The following MAF variants were observed in gnomAD, a reference collection of about 807,000 sequenced individuals.
MAF encodes the protein MAF bZIP transcription factor.
MAF carries 10 observed loss-of-function variants against 22.0 expected under a neutral mutation model. The observed-to-expected ratio is 0.45, with a 90% confidence interval of 0.28 to 0.77. MAF has a LOEUF of 0.77. MAF is among the 30% of genes least tolerant of loss of function. MAF has a pLI of 0.12. For synonymous variants in MAF, 337 were observed against 255.8 expected (o/e 1.32, Z -3.03); for missense variants, 544 against 548.4 (o/e 0.99, Z 0.08).
chr16:79,279,687 A>G, the MAF span, among the ~76,000 whole-genome samples: 1 of 152,148 alleles, frequency 6.6e-6, no homozygotes, highest in Admixed American at 6.5e-5. Context: ...TCCTCTCCTA[A>G]TGGCATATGT....
chr16:79,413,329 G>A, the MAF span, among the ~76,000 whole-genome samples: 16 of 131,206 alleles, frequency 1.2e-4, no homozygotes, highest in African/African-American at 3.1e-4. Flanking sequence ...TGCAAGCTCC[G>A]CCTCCCGGGT....
the MAF span, among the ~76,000 whole-genome samples, chr16:79,537,962 T>G: frequency 6.6e-6 from 1 of 152,284 alleles, no homozygotes; most frequent in South Asian, 2.1e-4. Context: ...GAATCTCAAG[T>G]GGATAAAATA....
chr16:79,400,421 G>A, the MAF span, among the ~76,000 whole-genome samples: 3 of 152,230 alleles, frequency 2.0e-5, no homozygotes, highest in Non-Finnish European at 2.9e-5. Flanking sequence ...AACCCCACAA[G>A]GTCTTAGGAA....
chr16:79,354,247 C>A, the MAF span, among the ~76,000 whole-genome samples: 2 of 152,202 alleles, frequency 1.3e-5, no homozygotes, highest in South Asian at 4.2e-4. Flanking sequence ...CTGCCTTGGC[C>A]TCCCAAAGTG....
At chr16:79,220,941 T>C in the MAF span, among the ~76,000 whole-genome samples, 3 of 152,210 alleles carry the variant, frequency 2.0e-5, no homozygotes, top group Non-Finnish European at 2.9e-5. Flanking sequence ...TTCCTGGGTA[T>C]GCAACTCTCT....
the MAF span, chr16:79,212,402 C>CAT: frequency 2.3e-6 from 1 of 430,054 alleles, no homozygotes; most frequent in Admixed American, 3.9e-5. Context: ...AAGTACTTGT[C>CAT]ATAGACTCCT....
chr16:79,436,218 G>T, the MAF span, among the ~76,000 whole-genome samples: 1 of 152,080 alleles, frequency 6.6e-6, no homozygotes, highest in Non-Finnish European at 1.5e-5. Context: ...AACCAGCTGG[G>T]ACTACAGGTG....
chr16:79,447,905 A>AAAAAAAAAAAAAAAAAAAAAG, the MAF span, among the ~76,000 whole-genome samples: 130 of 85,796 alleles, frequency 1.5e-3, 1 homozygote, highest in East Asian at 3.7e-3. Flanking sequence ...AAAAAAAAAA[A>AAAAAAAAAAAAAAAAAAAAAG]AAAAGAAAAG....
the MAF span, among the ~76,000 whole-genome samples, chr16:79,220,609 CCAT>C: frequency 2.6e-5 from 4 of 152,112 alleles, no homozygotes; most frequent in Non-Finnish European, 5.9e-5. Context: ...TTTACCACCA[CCAT>C]GTTTCATTAA....
the MAF span, among the ~76,000 whole-genome samples, chr16:79,290,705 C>T: frequency 1.1e-3 from 166 of 152,138 alleles, 2 homozygotes; most frequent in African/African-American, 3.8e-3. Flanking sequence ...TCTGTCTGTT[C>T]CGTGCAACAG....
chr16:79,583,763 C>T (rs73587057), downstream of MAF, among the ~76,000 whole-genome samples: 1 of 152,158 alleles, frequency 6.6e-6, no homozygotes, highest in Non-Finnish European at 1.5e-5. Flanking sequence ...ACCTTTAGCG[C>T]GAGGTTAAAA....
chr16:79,223,363 G>C, the MAF span, among the ~76,000 whole-genome samples: 62 of 152,152 alleles, frequency 4.1e-4, no homozygotes, highest in Non-Finnish European at 1.0e-4. Context: ...ATTTAAACCA[G>C]TGTGTAGAGG....
the MAF span, among the ~76,000 whole-genome samples, chr16:79,282,269 C>A: frequency 6.6e-6 from 1 of 152,134 alleles, no homozygotes; most frequent in Non-Finnish European, 1.5e-5. Flanking sequence ...TTGTAAATAT[C>A]CATGGCCCAG....
At chr16:79,385,407 A>G in the MAF span, among the ~76,000 whole-genome samples, 1 of 152,214 alleles carries the variant, frequency 6.6e-6, no homozygotes, top group African/African-American at 2.4e-5. Context: ...TTATGCATAA[A>G]ATTATGCTTT....
At chr16:79,460,407 G>T in the MAF span, among the ~76,000 whole-genome samples, 1 of 152,094 alleles carries the variant, frequency 6.6e-6, no homozygotes, top group Non-Finnish European at 1.5e-5. Flanking sequence ...AACCTAATTT[G>T]AAATGTTACC....
chr16:79,284,723 T>A, the MAF span, among the ~76,000 whole-genome samples: 101 of 152,332 alleles, frequency 6.6e-4, no homozygotes, highest in South Asian at 2.1e-3. Flanking sequence ...CTTTCCACTT[T>A]AACTTCCGTT....
chr16:79,304,709 T>C, the MAF span, among the ~76,000 whole-genome samples: 1 of 152,326 alleles, frequency 6.6e-6, no homozygotes, highest in South Asian at 2.1e-4. Context: ...TTCCTAATCA[T>C]ACATATTTTG....
At chr16:79,351,680 CT>C in the MAF span, among the ~76,000 whole-genome samples, 3 of 151,766 alleles carry the variant, frequency 2.0e-5, no homozygotes, top group African/African-American at 7.3e-5. Flanking sequence ...TCCAAGGCCA[CT>C]AGTTTCTGGG....
At chr16:79,241,474 G>A in the MAF span, among the ~76,000 whole-genome samples, 1 of 152,036 alleles carries the variant, frequency 6.6e-6, no homozygotes, top group Non-Finnish European at 1.5e-5. Context: ...GAAATAAAGT[G>A]AGAAGACAAG....
Sources: allele counts gnomAD v4.1 joint callset (sites outside exome capture counted in the v4.1 genomes callset), GRCh38; gene constraint gnomAD v4.1.1; transcripts MANE v1.5; gene names NCBI Gene and HGNC (gene_info 2026-07-23, HGNC 2026-07-21).